Variants in DLEU7 observed in about 807,000 individuals in gnomAD.
DLEU7 encodes leukemia-associated protein 7.
DLEU7 carries 17 observed loss-of-function variants against 16.0 expected under a neutral mutation model. The ratio of observed to expected loss-of-function variants is 1.06; its 90% CI spans 0.73 to 1.59. The LOEUF is 1.59. DLEU7 is among the 40% of genes most tolerant of loss of function. The probability of loss-of-function intolerance (pLI) is 0.00; values close to 1 mark genes in which losing one functional copy is unlikely to be tolerated. For synonymous variants in DLEU7, 113 were observed against 139.8 expected (o/e 0.81, Z 1.35); for missense variants, 308 against 314.9 (o/e 0.98, Z 0.17).
intron 1 of DLEU7, among the ~76,000 whole-genome samples, chr13:50,779,342 G>A (rs1875590548): frequency 6.6e-6 from 1 of 152,156 alleles, no homozygotes; most frequent in South Asian, 2.1e-4. Context: ...AGTTTGAATT[G>A]CAATCCGAAT....
chr13:50,762,984 A>G (rs1440085009), intron 1 of DLEU7, among the ~76,000 whole-genome samples: 1 of 152,158 alleles, frequency 6.6e-6, no homozygotes, highest in Non-Finnish European at 1.5e-5. Flanking sequence ...CAGACCCACA[A>G]GTGCATATGT....
intron 1 of DLEU7, among the ~76,000 whole-genome samples, chr13:50,789,777 C>T (rs377015462): frequency 6.6e-6 from 1 of 152,124 alleles, no homozygotes; most frequent in Admixed American, 6.5e-5. Context: ...AGCTAAAACC[C>T]AGTGAGGTGA....
intron 1 of DLEU7, among the ~76,000 whole-genome samples, chr13:50,826,503 A>G (rs1390714315): frequency 6.6e-6 from 1 of 152,214 alleles, no homozygotes; most frequent in Non-Finnish European, 1.5e-5. Context: ...AAAATACCTT[A>G]GAATGCAAGA....
rs952158933 is a variant in DLEU7 at position 50,825,654 on chromosome 13, C to T, written c.460-2134G>A. ...TTGTGTGGTGTGAATTTGGTAGCTT[C>T]GATAAGGCCTTCTTATTTACTCTAA... On this transcript the variant is annotated intron_variant, in intron 1 of 1. Transcript: ENST00000504404. 3.9e-5 allele frequency among the ~76,000 whole-genome samples: 6 copies of T among 152,088 alleles called. No homozygotes were observed. In the East Asian group the frequency reaches 7.7e-4, roughly 20 times the overall value.
intron 1 of DLEU7, among the ~76,000 whole-genome samples, chr13:50,749,966 T>C (rs1874517274): frequency 6.6e-6 from 1 of 152,232 alleles, no homozygotes. Flanking sequence ...ATCTTTGTTT[T>C]TATTGCATTT....
intron 1 of DLEU7, chr13:50,713,328 T>C: frequency 1.3e-6 from 2 of 1,492,234 alleles, no homozygotes; most frequent in Non-Finnish European, 1.8e-6. Flanking sequence ...AGCACTATAT[T>C]GCATTTTAGG....
At position 50,763,057 on chromosome 13, in the gene DLEU7, G is replaced by C. The variant is rs557856507; in HGVS notation, c.460-49817C>G. 2.0e-3 allele frequency among the ~76,000 whole-genome samples: 297 copies of C among 152,272 alleles called. 2 individuals are homozygous for C. The highest frequency in any genetic ancestry group is 7.0e-3 in the African/African-American group (290 of 41,534). Reference sequence around the variant, plus strand: ...GAGACAACACCAGAGAGGTGGGAAGGCAGCTGCCTGGCAGTTAATTAAAGG... The same window carrying C: ...GAGACAACACCAGAGAGGTGGGAAGCCAGCTGCCTGGCAGTTAATTAAAGG... On this transcript the variant is annotated intron_variant, in intron 1 of 1. Coordinates refer to the DLEU7 transcript ENST00000400393.
At chr13:50,727,918 C>T (rs1873809797) in intron 1 of DLEU7, among the ~76,000 whole-genome samples, 1 of 152,256 alleles carries the variant, frequency 6.6e-6, no homozygotes, top group Non-Finnish European at 1.5e-5. Context: ...GGTGCTGGAT[C>T]ACTGCAGGTA....
At chr13:50,826,502 T>C (rs1457740941) in intron 1 of DLEU7, among the ~76,000 whole-genome samples, 1 of 152,010 alleles carries the variant, frequency 6.6e-6, no homozygotes, top group Non-Finnish European at 1.5e-5. Flanking sequence ...AAAAATACCT[T>C]AGAATGCAAG....
At chr13:50,716,350 C>A (rs1352165463) in intron 1 of DLEU7, among the ~76,000 whole-genome samples, 10 of 152,148 alleles carry the variant, frequency 6.6e-5, no homozygotes, top group Non-Finnish European at 1.5e-5. Flanking sequence ...AGTTGCAAAG[C>A]CAGAATATTG....
chr13:50,783,889 T>G (rs543625275), intron 1 of DLEU7, among the ~76,000 whole-genome samples: 1 of 152,200 alleles, frequency 6.6e-6, no homozygotes, highest in African/African-American at 2.4e-5. Flanking sequence ...AAGGAACACA[T>G]ATAGAGATAT....
Position 50,843,519 on chromosome 13 carries a change from G to C in DLEU7, c.128C>G (p.Pro43Arg), listed in dbSNP as rs1877758075. Residue 43 changes from proline (P) to arginine (R), a missense_variant, in exon 1 of 2, where the codon CCA becomes CGA. Physicochemically the swap from Pro to Arg is moderately radical, Grantham distance 103 (BLOSUM62 -2). Transcript: ENST00000504404. The surrounding 1 kb of genome is among the most constrained non-coding windows in gnomAD (Gnocchi z 5.7). Reference protein sequence around the residue: ...GPVAPGNPRDPDHVSTAPARR... With the variant: ...GPVAPGNPRDRDHVSTAPARR... ...GGCTGGAGCGGTGGACACGTGGTCT[G>C]GGTCCCGCGGGTTCCCGGGGGCGAC... 7.0e-7 allele frequency: 1 copy of C among 1,424,888 alleles called. No individual in the cohort carries two copies. The highest frequency in any genetic ancestry group is 9.1e-7 in the Non-Finnish European group (1 of 1,100,206). The allele number at this position is 1,424,888 out of a possible 1,614,324, so 88.3% of individuals were successfully genotyped here. A position where few individuals can be genotyped will look rare whatever the true frequency, so the allele number is the denominator to read the frequency against.
chr13:50,733,159 A>G (rs982130571), intron 1 of DLEU7, among the ~76,000 whole-genome samples: 1 of 152,214 alleles, frequency 6.6e-6, no homozygotes, highest in Non-Finnish European at 1.5e-5. Context: ...GAACCATCTG[A>G]GAAAGCGTTT....
chr13:50,720,569 A>T (rs572726055), intron 1 of DLEU7, among the ~76,000 whole-genome samples: 2 of 152,320 alleles, frequency 1.3e-5, no homozygotes, highest in African/African-American at 4.8e-5. Flanking sequence ...TTTTATTCTC[A>T]TGTTATTGTT....
chr13:50,758,025 A>ATT (rs5803530), intron 1 of DLEU7, among the ~76,000 whole-genome samples: 3,269 of 88,964 alleles, frequency 0.037, 124 homozygotes, highest in East Asian at 0.15. Flanking sequence ...CATTACCAAG[A>ATT]TTTTTTTTTT....
chr13:50,830,701 A>C (rs1312892701), intron 1 of DLEU7, among the ~76,000 whole-genome samples: 1 of 152,174 alleles, frequency 6.6e-6, no homozygotes, highest in Non-Finnish European at 1.5e-5. Context: ...TGGCTTATTA[A>C]TTTTTAGCAC....
At chr13:50,755,028 C>G (rs1874710244) in intron 1 of DLEU7, among the ~76,000 whole-genome samples, 1 of 152,196 alleles carries the variant, frequency 6.6e-6, no homozygotes, top group Non-Finnish European at 1.5e-5. Context: ...CCAATCTCTT[C>G]TAGCTTGCAA....
intron 1 of DLEU7, among the ~76,000 whole-genome samples, chr13:50,760,597 A>C (rs1874899162): frequency 2.0e-5 from 3 of 152,204 alleles, no homozygotes. Flanking sequence ...TCCTGGCCTC[A>C]AGTGATCCTT....
At chr13:50,777,703 T>C (rs2096511012) in intron 1 of DLEU7, among the ~76,000 whole-genome samples, 1 of 152,226 alleles carries the variant, frequency 6.6e-6, no homozygotes, top group Admixed American at 6.5e-5. Flanking sequence ...CAATCCATTG[T>C]TTAAAGTAAT....
Sources: allele counts gnomAD v4.1 joint callset (sites outside exome capture counted in the v4.1 genomes callset), GRCh38; gene constraint gnomAD v4.1.1; non-coding constraint Gnocchi (gnomAD v3.1); transcripts MANE v1.5; gene names NCBI Gene and HGNC (gene_info 2026-07-23, HGNC 2026-07-21).